The following PARL variants were observed in gnomAD, a reference collection of about 807,000 sequenced individuals.
PARL encodes presenilin-associated rhomboid-like protein, mitochondrial.
A neutral mutation model predicts 51.6 loss-of-function variants in PARL; 44 were observed. That is an observed-to-expected ratio of 0.85 (90% confidence interval 0.67 to 1.10). PARL has a LOEUF of 1.10. Ranked by LOEUF, PARL falls within the 50% of genes least tolerant of loss-of-function variation. The pLI, the probability that PARL is intolerant of heterozygous loss-of-function variation, is 0.00. For missense variants in PARL, 441 were observed against 469.5 expected, an observed-to-expected ratio of 0.94 and a Z score of 0.56; for synonymous variants, 172 against 164.0, an observed-to-expected ratio of 1.05 and a Z score of -0.37.
chr3:183,847,343 C>A (rs1577317520), intron 4 of PARL, among the ~76,000 whole-genome samples: 1 of 152,158 alleles, frequency 6.6e-6, no homozygotes, highest in East Asian at 1.9e-4. Flanking sequence ...AGGATCCATC[C>A]CTTGAGCCTA....
intron 3 of PARL, among the ~76,000 whole-genome samples, chr3:183,864,577 C>CCATCCTGGCTAACACGGTGAAA (rs1732223852): frequency 6.6e-6 from 1 of 151,932 alleles, no homozygotes; most frequent in Admixed American, 6.6e-5. Flanking sequence ...GAGATCGAGA[C>CCATCCTGGCTAACACGGTGAAA]CATCCTGGCT....
chr3:183,867,400 T>A (rs887299759), intron 2 of PARL, among the ~76,000 whole-genome samples: 1 of 152,100 alleles, frequency 6.6e-6, no homozygotes, highest in Non-Finnish European at 1.5e-5. Context: ...ATAAAAGCAA[T>A]TTTTAAGTTC....
intron 4 of PARL, among the ~76,000 whole-genome samples, chr3:183,850,833 TA>T (rs1287954120): frequency 6.6e-6 from 1 of 152,214 alleles, no homozygotes; most frequent in African/African-American, 2.4e-5. Flanking sequence ...TGGTTCAACA[TA>T]TGAAAAATCA....
chr3:183,855,378 C>A (rs73177531), intron 4 of PARL, among the ~76,000 whole-genome samples: 6,019 of 152,228 alleles, frequency 0.04, 179 homozygotes, highest in Non-Finnish European at 0.061. Flanking sequence ...CCTCTGACCT[C>A]GGCCTCCTAA....
rs1047909546 is a variant in PARL, at chr3:183,829,467, A to G, written c.*131T>C. 1 of 1,605,720 alleles carries G rather than the reference A, an allele frequency of 6.2e-7. No individual in the cohort carries two copies. The highest frequency in any genetic ancestry group is 8.5e-7 in the Non-Finnish European group (1 of 1,176,024). On this transcript the variant is annotated 3_prime_UTR_variant, in exon 10 of 10. Coordinates refer to ENST00000317096, the MANE Select transcript of PARL (RefSeq NM_018622.7). Reference sequence around the variant, plus strand: ...TAAAAAGACACGGACTGGGGGACACAGCTGAAAACAGTGGGAGGCCAGATG... The same window carrying G: ...TAAAAAGACACGGACTGGGGGACACGGCTGAAAACAGTGGGAGGCCAGATG...
intron 1 of PARL, among the ~76,000 whole-genome samples, chr3:183,877,919 T>C (rs1407677002): frequency 6.6e-6 from 1 of 151,928 alleles, no homozygotes; most frequent in African/African-American, 2.4e-5. Context: ...GCCTCCTGAG[T>C]AGCTGGGACT....
At chr3:183,876,905 C>T (rs1296811416) in intron 1 of PARL, among the ~76,000 whole-genome samples, 2 of 152,024 alleles carry the variant, frequency 1.3e-5, no homozygotes, top group East Asian at 3.8e-4. Context: ...ACTGCAGATG[C>T]GGTAGAAATA....
chr3:183,849,246 T>C (rs559065905), intron 4 of PARL, among the ~76,000 whole-genome samples: 1 of 152,294 alleles, frequency 6.6e-6, no homozygotes, highest in South Asian at 2.1e-4. Flanking sequence ...TCTTCTCAAG[T>C]GCACATGCAG....
In PARL at chr3:183,868,137, T is replaced by C; in HGVS notation, c.126-77A>G. The stretch of plus-strand genomic sequence containing the variant: ...AACTTCTATGAACCTCCACTTGGCC[T>C]GCATCATCACCATCTCAATTTATTC... On this transcript the variant is annotated intron_variant, in intron 1 of 9. Transcript: ENST00000317096. 3.9e-6 allele frequency: 4 copies of C among 1,014,736 alleles called. No homozygotes were observed. In the South Asian group the frequency reaches 5.2e-5, roughly 13 times the overall value. The allele number at this position is 1,014,736 out of a possible 1,614,324, so 62.9% of individuals were successfully genotyped here. A position where few individuals can be genotyped will look rare whatever the true frequency, so the allele number is the denominator to read the frequency against.
chr3:183,834,049 G>C (rs1448977437), intron 7 of PARL, among the ~76,000 whole-genome samples: 2 of 152,146 alleles, frequency 1.3e-5, no homozygotes, highest in African/African-American at 4.8e-5. Flanking sequence ...TTTACTACGG[G>C]GCAGTAAGAT....
At chr3:183,828,911 G>A (rs1472725013), downstream of PARL, among the ~76,000 whole-genome samples, 2 of 152,138 alleles carry the variant, frequency 1.3e-5, no homozygotes, top group Non-Finnish European at 2.9e-5. Flanking sequence ...AGGCTGTGAC[G>A]ACGACAGCCA....
chr3:183,856,047 C>G (rs900257201), intron 4 of PARL, among the ~76,000 whole-genome samples: 1 of 151,950 alleles, frequency 6.6e-6, no homozygotes, highest in Admixed American at 6.6e-5. Context: ...CTCTGCAGCC[C>G]GGTTCTGGTA....
chr3:183,828,519 T>C (rs552647840), downstream of PARL, among the ~76,000 whole-genome samples: 1 of 152,332 alleles, frequency 6.6e-6, no homozygotes, highest in Admixed American at 6.5e-5. Flanking sequence ...GAAGAATAAC[T>C]GTAAATCATA....
intron 1 of PARL, among the ~76,000 whole-genome samples, chr3:183,869,039 C>T (rs1732866698): frequency 6.6e-6 from 1 of 152,150 alleles, no homozygotes; most frequent in Non-Finnish European, 1.5e-5. Context: ...GCACTTCCTA[C>T]TCTTCAAATT....
At chr3:183,854,748 T>TA (rs34427562) in intron 4 of PARL, among the ~76,000 whole-genome samples, 36,998 of 132,326 alleles carry the variant, frequency 0.28, 5,036 homozygotes, top group East Asian at 0.52. Context: ...TTTTTACAAT[T>TA]AAAAAAAAAA....
intron 1 of PARL, among the ~76,000 whole-genome samples, chr3:183,873,509 AGT>A (rs1733452660): frequency 6.6e-6 from 1 of 151,756 alleles, no homozygotes; most frequent in Non-Finnish European, 1.5e-5. Flanking sequence ...ATTGCACTCC[AGT>A]GTGAGAGCTC....
intron 1 of PARL, among the ~76,000 whole-genome samples, chr3:183,873,387 T>C (rs1026077468): frequency 6.6e-6 from 1 of 151,932 alleles, no homozygotes; most frequent in Non-Finnish European, 1.5e-5. Context: ...ACGCCTGTAT[T>C]TTGATTACAG....
At chr3:183,851,568 A>G (rs921542153) in intron 4 of PARL, among the ~76,000 whole-genome samples, 1 of 152,188 alleles carries the variant, frequency 6.6e-6, no homozygotes, top group Non-Finnish European at 1.5e-5. Flanking sequence ...GTCATTAAGG[A>G]AAGGCAAATC....
intron 7 of PARL, among the ~76,000 whole-genome samples, chr3:183,839,591 G>A (rs1729048897): frequency 1.3e-5 from 2 of 151,894 alleles, no homozygotes; most frequent in African/African-American, 4.8e-5. Flanking sequence ...GCTAATTATT[G>A]TATTTTCAGG....
Sources: allele counts gnomAD v4.1 joint callset (sites outside exome capture counted in the v4.1 genomes callset), GRCh38; gene constraint gnomAD v4.1.1; transcripts MANE v1.5; gene names NCBI Gene and HGNC (gene_info 2026-07-23, HGNC 2026-07-21).